The following SNX30 variants were observed in gnomAD, a reference collection of about 807,000 sequenced individuals.
SNX30 encodes the protein sorting nexin-30.
A neutral mutation model predicts 46.4 loss-of-function variants in SNX30; 24 were observed. That is an observed-to-expected ratio of 0.52 (90% confidence interval 0.37 to 0.73). The LOEUF (loss-of-function observed/expected upper bound fraction) is 0.73, where lower values mean the gene tolerates loss of function less well. SNX30 is among the 30% of genes least tolerant of loss of function. The pLI, the probability that SNX30 is intolerant of heterozygous loss-of-function variation, is 0.00. For synonymous variants in SNX30, 189 were observed against 211.5 expected (o/e 0.89, Z 0.92); for missense variants, 533 against 555.7 (o/e 0.96, Z 0.41).
chr9:112,790,452 C>T (rs1840001117), intron 1 of SNX30, among the ~76,000 whole-genome samples: 1 of 152,188 alleles, frequency 6.6e-6, no homozygotes, highest in African/African-American at 2.4e-5. Flanking sequence ...TCCAAAGGAG[C>T]AGCCCCTGTT....
At chr9:112,754,401 T>A (rs1839318388) in intron 1 of SNX30, among the ~76,000 whole-genome samples, 1 of 148,416 alleles carries the variant, frequency 6.7e-6, no homozygotes, top group Non-Finnish European at 1.5e-5. Context: ...CTAAACTCAC[T>A]GGGCCTTTTT....
At chr9:112,771,849 A>G (rs1055337148) in intron 1 of SNX30, among the ~76,000 whole-genome samples, 16 of 152,224 alleles carry the variant, frequency 1.1e-4, no homozygotes. Flanking sequence ...CTTTTCTGGT[A>G]GTTTTTCAAA....
chr9:112,822,805 A>G (rs1006841658), intron 3 of SNX30, among the ~76,000 whole-genome samples: 7 of 152,194 alleles, frequency 4.6e-5, no homozygotes, highest in Non-Finnish European at 8.8e-5. Context: ...AGTCCCGCCT[A>G]GGACATAAAT....
intron 8 of SNX30, among the ~76,000 whole-genome samples, chr9:112,867,013 CCCTCCTCAGAATTCCTCCCA>C (rs1841363348): frequency 6.9e-6 from 1 of 144,294 alleles, no homozygotes; most frequent in Non-Finnish European, 1.5e-5. Context: ...AACTCCTCCC[CCCTCCTCAGAATTCCTCCCA>C]CCTCCTCAGA....
chr9:112,804,909 A>G lies in SNX30; in HGVS notation c.290A>G (p.Asp97Gly). Residue 97 changes from aspartate (D) to glycine (G), a missense_variant, in exon 2 of 9, where the codon GAT becomes GGT. By Grantham distance (94) the Asp-to-Gly change is moderately conservative (BLOSUM62 -1). Around this residue, in one of 3 missense-constraint regions of SNX30, gnomAD observed 191 missense variants for 160.3 expected, o/e 1.19. Coordinates refer to ENST00000374232, the MANE Select transcript of SNX30 (RefSeq NM_001012994.2). ...AGAGATCTCTTCGTTATAGTTGATGATCCCAAGAAGCATGTGTGTACAATG... is the reference window on the plus strand; with the variant it reads ...AGAGATCTCTTCGTTATAGTTGATGGTCCCAAGAAGCATGTGTGTACAATG... ...ETRDLFVIVD[D>G]PKKHVCTMET... 1 of 1,613,784 alleles carries G rather than the reference A, an allele frequency of 6.2e-7. No individual in the cohort carries two copies. Among genetic ancestry groups the G allele is most frequent in the Non-Finnish European group, 8.5e-7 (1 of 1,179,814 alleles).
chr9:112,876,810 C>G (rs1389889098), downstream of SNX30, among the ~76,000 whole-genome samples: 1 of 151,972 alleles, frequency 6.6e-6, no homozygotes, highest in African/African-American at 2.4e-5. Flanking sequence ...GTGGTGCGTG[C>G]TTGTATTCCC....
chr9:112,866,468 A>G, intron 8 of SNX30: 1 of 470,778 alleles, frequency 2.1e-6, no homozygotes, highest in South Asian at 1.5e-5. Context: ...TTGGTTTATC[A>G]TGGCTGACAT....
intron 4 of SNX30, among the ~76,000 whole-genome samples, chr9:112,831,456 G>GC (rs1840658637): frequency 6.6e-6 from 1 of 152,174 alleles, no homozygotes; most frequent in Non-Finnish European, 1.5e-5. Flanking sequence ...CCAACAATGG[G>GC]CATGGAACAG....
At chr9:112,862,804 C>G (rs1168911632) in intron 7 of SNX30, among the ~76,000 whole-genome samples, 2 of 151,972 alleles carry the variant, frequency 1.3e-5, no homozygotes, top group African/African-American at 2.4e-5. Flanking sequence ...CTCCAGTGAT[C>G]TTCTGCCTTG....
intron 1 of SNX30, among the ~76,000 whole-genome samples, chr9:112,767,696 C>T (rs1259629316): frequency 6.6e-6 from 1 of 152,018 alleles, no homozygotes; most frequent in Non-Finnish European, 1.5e-5. Flanking sequence ...CTCAAGTGAT[C>T]CTCCCATCTC....
chr9:112,820,354 A>T (rs1029540820), intron 3 of SNX30, among the ~76,000 whole-genome samples: 13 of 152,204 alleles, frequency 8.5e-5, no homozygotes, highest in African/African-American at 3.1e-4. Context: ...CTACAAAAAA[A>T]TTTTATAGTA....
chr9:112,874,216 G>A lies in SNX30; in HGVS notation c.*5373G>A, dbSNP rs1054848971. 1 of 152,170 alleles carries A rather than the reference G, an allele frequency of 6.6e-6. No homozygotes were observed. Among genetic ancestry groups the A allele is most frequent in the Non-Finnish European group, 1.5e-5 (1 of 68,038 alleles). 9.4% of individuals were successfully genotyped at this position (152,170 alleles called of 1,614,324 possible). A position where few individuals can be genotyped will look rare whatever the true frequency, so the allele number is the denominator to read the frequency against. On this transcript the variant is annotated 3_prime_UTR_variant, in exon 9 of 9. Transcript: ENST00000374232. Reference sequence around the variant, plus strand: ...GATGAAGCAGTGGCTCTGTCATCTCGGCCTTTATCCAATAACAAACCAGCA... The same window carrying A: ...GATGAAGCAGTGGCTCTGTCATCTCAGCCTTTATCCAATAACAAACCAGCA...
chr9:112,819,694 G>A lies in SNX30; in HGVS notation c.459+1879G>A, dbSNP rs569415234. ...TTCCCTTTTTTGGATGACCATGACT[G>A]TTTTGAGGAGTACTAGTCAGGAATT... is the stretch of plus-strand genomic sequence containing the variant. On this transcript the variant is annotated intron_variant, in intron 3 of 8. Coordinates refer to ENST00000374232, the MANE Select transcript of SNX30 (RefSeq NM_001012994.2). Among the ~76,000 whole-genome samples the A allele has an allele frequency of 4.1e-4, 62 of 152,312 alleles. No individual in the cohort carries two copies. In the Middle Eastern group the frequency reaches 0.01, roughly 25 times the overall value.
rs1368619740 is a variant in SNX30 at position 112,872,128 on chromosome 9, G to A, written c.*3285G>A. 6.6e-6 allele frequency: 1 copy of A among 152,160 alleles called. No individual in the cohort carries two copies. Among genetic ancestry groups the A allele is most frequent in the Non-Finnish European group, 1.5e-5 (1 of 68,034 alleles). 9.4% of individuals were successfully genotyped at this position (152,160 alleles called of 1,614,324 possible). ...GCCAGATTTCAGCCCCACCCAGAGT[G>A]TGCTCTAGATGTTGTTGATTTGAAT... On this transcript the variant is annotated 3_prime_UTR_variant, in exon 9 of 9. Coordinates refer to ENST00000374232, the MANE Select transcript of SNX30 (RefSeq NM_001012994.2).
intron 1 of SNX30, among the ~76,000 whole-genome samples, chr9:112,764,421 G>T (rs1839498505): frequency 6.6e-6 from 1 of 152,110 alleles, no homozygotes; most frequent in Admixed American, 6.5e-5. Context: ...CACTCTTTTG[G>T]CCAGGGTGGA....
intron 5 of SNX30, among the ~76,000 whole-genome samples, chr9:112,836,845 G>A (rs1464369146): frequency 6.6e-6 from 1 of 152,166 alleles, no homozygotes; most frequent in Non-Finnish European, 1.5e-5. Context: ...TGAATCTTCA[G>A]ACTTGTAATT....
chr9:112,777,971 C>T (rs1453341456), intron 1 of SNX30, among the ~76,000 whole-genome samples: 1 of 152,108 alleles, frequency 6.6e-6, no homozygotes, highest in Non-Finnish European at 1.5e-5. Flanking sequence ...GTTGACTACC[C>T]TCAAGTATGT....
intron 1 of SNX30, among the ~76,000 whole-genome samples, chr9:112,767,113 C>T (rs1428859926): frequency 9.2e-6 from 1 of 109,234 alleles, no homozygotes; most frequent in Non-Finnish European, 1.8e-5. Context: ...TTTGCCAACA[C>T]TAATTATTTT....
chr9:112,773,844 ATTAC>A (rs1053504687), intron 1 of SNX30, among the ~76,000 whole-genome samples: 1 of 152,206 alleles, frequency 6.6e-6, no homozygotes, highest in Non-Finnish European at 1.5e-5. Context: ...TTATATTTAT[ATTAC>A]CATGGATCTG....
Sources: gnomAD v4.1 joint callset for allele counts (sites outside exome capture counted in the v4.1 genomes callset) on GRCh38, gnomAD v4.1.1 for gene constraint, gnomAD v4.1.1 regional missense constraint, MANE v1.5 for transcripts, NCBI Gene and HGNC (gene_info 2026-07-23, HGNC 2026-07-21) for gene names.